The following ARVCF variants were observed in gnomAD, a reference collection of about 807,000 sequenced individuals.
ARVCF encodes ARVCF delta catenin family member, also known as splicing regulator ARVCF.
In ARVCF, 66 loss-of-function variants were observed where a neutral mutation model predicts 90.9. The observed-to-expected ratio is 0.73, with a 90% CI of 0.60 to 0.89. ARVCF has a LOEUF of 0.89. Among genes scored for constraint, ARVCF ranks in the 40% least tolerant of loss-of-function variants. ARVCF has a pLI of 0.00. For synonymous variants in ARVCF, 653 were observed against 603.4 expected, an observed-to-expected ratio of 1.08 and a Z score of -1.21; for missense variants, 1,469 against 1,382.3, an observed-to-expected ratio of 1.06 and a Z score of -1.00.
intron 2 of ARVCF, among the ~76,000 whole-genome samples, chr22:20,005,021 G>A (rs1473255023): frequency 6.6e-6 from 1 of 152,130 alleles, no homozygotes; most frequent in Non-Finnish European, 1.5e-5. Context: ...ACAGGCAACA[G>A]AAGGAAAAAT....
chr22:19,977,599 G>A lies in ARVCF; in HGVS notation c.1699-13C>T, dbSNP rs753541265. 6.6e-7 allele frequency: 1 copy of A among 1,506,582 alleles called. No individual in the cohort carries two copies. The highest frequency in any genetic ancestry group is 1.3e-5 in the South Asian group (1 of 75,022). The allele number at this position is 1,506,582 out of a possible 1,614,324, so 93.3% of individuals were successfully genotyped here. A position where few individuals can be genotyped will look rare whatever the true frequency, so the allele number is the denominator to read the frequency against. ...AGTTCTCCACCGACTGCAGGGAGAG[G>A]TGAGTGGGTGGGGCAGGGCACCCTA... On this transcript the variant is annotated splice_polypyrimidine_tract_variant and intron_variant, in intron 8 of 19. Transcript: ENST00000263207.
Position 19,971,196 on chromosome 22 carries a change from A to G in ARVCF, c.*12+20T>C, listed in dbSNP as rs201269379. 10 of 1,551,614 alleles carry G rather than the reference A, an allele frequency of 6.4e-6. No individual in the cohort carries two copies. In the East Asian group the frequency reaches 2.2e-4, roughly 34 times the overall value. ...AGAGGGCAGGAACAGGTGGACGAACAACCAGATGAGAGAACGTACCAGGCA... is the reference window on the plus strand; with the variant it reads ...AGAGGGCAGGAACAGGTGGACGAACGACCAGATGAGAGAACGTACCAGGCA... On this transcript the variant is annotated intron_variant, in intron 19 of 19. Transcript: ENST00000263207.
chr22:19,981,203 C>T lies in ARVCF; in HGVS notation c.896+8G>A, dbSNP rs1251442056. On this transcript the variant is annotated splice_region_variant and intron_variant, in intron 5 of 19. Coordinates refer to ENST00000263207, the MANE Select transcript of ARVCF (RefSeq NM_001670.3). ...GGAGGTAGCCACAGGGGACGGGGTG[C>T]AGCTCACCTGGTATGAAGGCCCCGC... 4 of 1,523,288 alleles carry T rather than the reference C, an allele frequency of 2.6e-6. No homozygotes were observed. The highest frequency in any genetic ancestry group is 1.8e-6 in the Non-Finnish European group (2 of 1,131,930). The allele number at this position is 1,523,288 out of a possible 1,614,324, so 94.4% of individuals were successfully genotyped here.
intron 1 of ARVCF, among the ~76,000 whole-genome samples, chr22:20,012,445 T>C (rs568530545): frequency 1.8e-4 from 28 of 152,174 alleles, no homozygotes; most frequent in Middle Eastern, 3.4e-3. Context: ...GACAGGACAG[T>C]GATGTGAAGG....
At chr22:20,006,778 C>T (rs1416251851) in intron 2 of ARVCF, among the ~76,000 whole-genome samples, 3 of 151,172 alleles carry the variant, frequency 2.0e-5, no homozygotes, top group African/African-American at 7.3e-5. Context: ...ACTACAGGCG[C>T]GTGCCACCAT....
rs369127971 is a variant in ARVCF at position 20,003,881 on chromosome 22, GA to G, written c.-19+6573del. Reference sequence around the variant, plus strand: ...AGTTTTAGACAGAGTAATTAGGCAAGAAAAAGAAATAAAAGACATCCAAATT... The same window carrying G: ...AGTTTTAGACAGAGTAATTAGGCAAGAAAAGAAATAAAAGACATCCAAATT... On this transcript the variant is annotated intron_variant, in intron 2 of 19. Coordinates refer to ENST00000263207, the MANE Select transcript of ARVCF (RefSeq NM_001670.3). 1.3e-3 allele frequency among the ~76,000 whole-genome samples: 202 copies of G among 152,040 alleles called. 2 individuals carry two copies. The highest frequency in any genetic ancestry group is 4.8e-3 in the African/African-American group (200 of 41,446).
chr22:20,008,185 A>G (rs1366544264), intron 2 of ARVCF, among the ~76,000 whole-genome samples: 2 of 152,228 alleles, frequency 1.3e-5, no homozygotes, highest in Non-Finnish European at 2.9e-5. Flanking sequence ...AACACATCAA[A>G]ACCCAAGAGA....
At chr22:19,976,765 G>A (rs1190977473) in intron 9 of ARVCF, 42 bp from the exon 10 acceptor site, 1 of 1,553,834 alleles carries the variant, frequency 6.4e-7, no homozygotes, top group Non-Finnish European at 8.7e-7. Context: ...AGAGGAGCCT[G>A]AACAGGCAGC....
Position 19,978,084 on chromosome 22 carries a change from C to A in ARVCF, c.1581-9G>T. 1 of 1,597,504 alleles carries A rather than the reference C, an allele frequency of 6.3e-7. No individual in the cohort carries two copies. Among genetic ancestry groups the A allele is most frequent in the Non-Finnish European group, 8.5e-7 (1 of 1,172,010 alleles). On this transcript the variant is annotated splice_polypyrimidine_tract_variant and intron_variant, in intron 7 of 19. Coordinates refer to ENST00000263207, the MANE Select transcript of ARVCF (RefSeq NM_001670.3). ...CATCGGAGCTCACATTCCTGTGTGG[C>A]CAAGAGCAGGCCAGGTGACCCCTGG...
chr22:19,981,888 CA>C (rs1230989838), intron 4 of ARVCF, 44 bp downstream of exon 4: 1 of 1,597,904 alleles, frequency 6.3e-7, no homozygotes, highest in Admixed American at 1.7e-5. Context: ...ACAGCTGCAG[CA>C]GCCTGGCCCT....
intron 1 of ARVCF, among the ~76,000 whole-genome samples, chr22:20,014,327 T>G (rs1334291787): frequency 6.6e-6 from 1 of 151,664 alleles, no homozygotes; most frequent in Non-Finnish European, 1.5e-5. Context: ...CTTGAGTAGC[T>G]GGGACTACAG....
At position 19,973,048 on chromosome 22, in the gene ARVCF, G is replaced by A; in HGVS notation, c.2439-12C>T. On this transcript the variant is annotated splice_polypyrimidine_tract_variant and intron_variant, in intron 14 of 19. Transcript: ENST00000263207. The stretch of plus-strand genomic sequence containing the variant: ...CGCGTACCGATTGGCTGTGGGGCCG[G>A]GGGCGGGGTCAGTGGTGGCCCCTCC... The A allele has an allele frequency of 2.5e-6, 4 of 1,612,274 alleles. No individual in the cohort carries two copies. Among genetic ancestry groups the A allele is most frequent in the Non-Finnish European group, 3.4e-6 (4 of 1,179,822 alleles).
rs1293084631 is a variant in ARVCF at position 19,981,257 on chromosome 22, T to G, written c.850A>C (p.Thr284Pro). Residue 284 changes from threonine (T) to proline (P), a missense_variant, in exon 5 of 20, where the codon ACG becomes CCG. Coordinates refer to ENST00000263207, the MANE Select transcript of ARVCF (RefSeq NM_001670.3). ...CACTCAGGCCTCCTCCTTGTGGCCGTGCCATAGTCAGGCTCCAGCTCAGGG... is the reference window on the plus strand; with the variant it reads ...CACTCAGGCCTCCTCCTTGTGGCCGGGCCATAGTCAGGCTCCAGCTCAGGG... ...GGPELEPDYG[T>P]ATRRRPECGR... The G allele has an allele frequency of 6.4e-7, 1 of 1,563,754 alleles. No homozygotes were observed. The highest frequency in any genetic ancestry group is 8.7e-7 in the Non-Finnish European group (1 of 1,155,448).
rs773325652 is a variant in ARVCF, at chr22:19,971,909, C to A, written c.2758G>T (p.Ala920Ser). The A allele has an allele frequency of 6.2e-7, 1 of 1,613,196 alleles. No homozygotes were observed. The highest frequency in any genetic ancestry group is 1.3e-5 in the African/African-American group (1 of 74,934). Residue 920 changes from alanine (A) to serine (S), a missense_variant, in exon 18 of 20, where the codon GCC becomes TCC. By Grantham distance (99) the Ala-to-Ser change is moderately conservative. Coordinates refer to ENST00000263207, the MANE Select transcript of ARVCF (RefSeq NM_001670.3). ...ACTTTCAAGGGTTCCTTCTCAGAGG[C>A]CTCTCCTGCAGAGCTGGCGCCCCGT... ...RPRGASSAGE[A>S]SEKEPLKLDP...
chr22:19,973,831 C>A (rs1356327591), intron 12 of ARVCF, 38 bp from the exon 13 acceptor site: 1 of 1,580,144 alleles, frequency 6.3e-7, no homozygotes, highest in Admixed American at 1.7e-5. Flanking sequence ...GACATACATG[C>A]CAGGCACTCT....
At chr22:19,998,225 GCCTGCAACGCCCTTTCCCC>G (rs1355862584) in intron 2 of ARVCF, among the ~76,000 whole-genome samples, 1 of 152,196 alleles carries the variant, frequency 6.6e-6, no homozygotes, top group Admixed American at 6.5e-5. Context: ...AGGGCCGTCC[GCCTGCAACGCCCTTTCCCC>G]CCTCATTGGA....
Position 19,978,003 on chromosome 22 carries a change from C to T in ARVCF, c.1653G>A (p.Leu551=). 6.2e-7 allele frequency: 1 copy of T among 1,611,930 alleles called. No homozygotes were observed. Among genetic ancestry groups the T allele is most frequent in the Non-Finnish European group, 8.5e-7 (1 of 1,179,484 alleles). The part of the protein sequence containing the change: ...RECEGLVDAL[L]HALQSAVGRK... ...GGCCCACAGCCGACTGCAGGGCATG[C>T]AGGAGCGCGTCCACCAGCCCTTCAC... The change falls in exon 8 of 20, where the codon CTG becomes CTA. Residue 551 remains leucine, a synonymous_variant. Coordinates refer to ENST00000263207, the MANE Select transcript of ARVCF (RefSeq NM_001670.3).
At chr22:19,966,661 A>C (rs900621122), downstream of ARVCF, among the ~76,000 whole-genome samples, 1 of 152,048 alleles carries the variant, frequency 6.6e-6, no homozygotes, top group African/African-American at 2.4e-5. Flanking sequence ...GACTGGTCTC[A>C]AACTCCTGGC....
chr22:20,007,439 C>T (rs1294444798), intron 2 of ARVCF, among the ~76,000 whole-genome samples: 1 of 152,194 alleles, frequency 6.6e-6, no homozygotes, highest in African/African-American at 2.4e-5. Context: ...TCAGATGCAG[C>T]TGTAAAAACA....
Sources: allele counts gnomAD v4.1 joint callset (sites outside exome capture counted in the v4.1 genomes callset), GRCh38; gene constraint gnomAD v4.1.1; transcripts MANE v1.5; gene names NCBI Gene and HGNC (gene_info 2026-07-23, HGNC 2026-07-21).